The following SGIP1 variants were observed in gnomAD, a reference collection of about 807,000 sequenced individuals.
SGIP1 encodes the protein SH3GL interacting endocytic adaptor 1.
Under a neutral mutation model 107.5 loss-of-function variants are expected in SGIP1, and 38 were observed. The ratio of observed to expected loss-of-function variants is 0.35; its 90% CI spans 0.27 to 0.46. The LOEUF (loss-of-function observed/expected upper bound fraction) is 0.46. Ranked by LOEUF, SGIP1 falls within the 20% of genes least tolerant of loss-of-function variation. The pLI is 1.00. For missense variants in SGIP1, 929 were observed against 1,019.5 expected, an observed-to-expected ratio of 0.91 and a Z score of 1.21; for synonymous variants, 365 against 366.1, an observed-to-expected ratio of 1.00 and a Z score of 0.03.
At chr1:66,549,496 G>T (rs1278243759) in intron 1 of SGIP1, among the ~76,000 whole-genome samples, 2 of 152,182 alleles carry the variant, frequency 1.3e-5, no homozygotes, top group African/African-American at 4.8e-5. Context: ...AACCTGGTAA[G>T]GTGAGAGTAA....
intron 1 of SGIP1, among the ~76,000 whole-genome samples, chr1:66,549,613 AT>A (rs2057080536): frequency 6.6e-6 from 1 of 152,222 alleles, no homozygotes; most frequent in African/African-American, 2.4e-5. Context: ...TACCACTGCC[AT>A]TGGCATTGTT....
chr1:66,739,481 G>A lies in SGIP1; in HGVS notation c.2178G>A (p.Leu726=), dbSNP rs780363111. Residue 726 remains leucine (L), a synonymous_variant, in exon 22 of 25, where the codon CTG becomes CTA. Coordinates refer to ENST00000371037, the MANE Select transcript of SGIP1 (RefSeq NM_032291.4). The stretch of plus-strand genomic sequence containing the variant: ...TGGCCCTCAACAATGTGCAGTTCCT[G>A]GTCCCCATCGACGGAGGAGTCACCA... ...TAVALNNVQF[L]VPIDGGVTKL... is the part of the protein sequence containing the mutation. The A allele has an allele frequency of 1.2e-6, 2 of 1,614,142 alleles. No homozygotes were observed. Among genetic ancestry groups the A allele is most frequent in the African/African-American group, 1.3e-5 (1 of 75,024 alleles).
At chr1:66,581,068 G>A (rs576231448) in intron 1 of SGIP1, among the ~76,000 whole-genome samples, 21 of 152,094 alleles carry the variant, frequency 1.4e-4, no homozygotes, top group African/African-American at 3.1e-4. Flanking sequence ...ACATTTTCTC[G>A]TCACAATTAC....
At chr1:66,561,799 T>A (rs2058988435) in intron 1 of SGIP1, among the ~76,000 whole-genome samples, 1 of 152,032 alleles carries the variant, frequency 6.6e-6, no homozygotes, top group Non-Finnish European at 1.5e-5. Flanking sequence ...AGGCCTTTTA[T>A]TCAAATGGAA....
intron 1 of SGIP1, among the ~76,000 whole-genome samples, chr1:66,604,638 T>C (rs1402026700): frequency 2.0e-5 from 3 of 152,198 alleles, no homozygotes; most frequent in Non-Finnish European, 4.4e-5. Context: ...TCTCATAGGA[T>C]GGTTGGGATG....
chr1:66,549,536 T>C (rs1311013616), intron 1 of SGIP1, among the ~76,000 whole-genome samples: 1 of 152,180 alleles, frequency 6.6e-6, no homozygotes, highest in Non-Finnish European at 1.5e-5. Flanking sequence ...AATGACACTA[T>C]GTGTGTGTAG....
At chr1:66,738,281 C>T (rs938101296) in intron 21 of SGIP1, among the ~76,000 whole-genome samples, 4 of 152,180 alleles carry the variant, frequency 2.6e-5, no homozygotes, top group African/African-American at 9.7e-5. Context: ...CTTCAGGACC[C>T]TTCTCCATGG....
intron 14 of SGIP1, among the ~76,000 whole-genome samples, chr1:66,681,543 C>A (rs79909281): frequency 0.013 from 2,041 of 152,286 alleles, 35 homozygotes; most frequent in African/African-American, 0.046. Context: ...ACTGCCTTCT[C>A]AAAATGATCA....
chr1:66,720,470 G>C (rs1485908490), intron 19 of SGIP1, among the ~76,000 whole-genome samples: 1 of 152,180 alleles, frequency 6.6e-6, no homozygotes, highest in African/African-American at 2.4e-5. Flanking sequence ...GCTCACACCT[G>C]TAATTCCAGC....
At chr1:66,722,078 G>A (rs572291110) in intron 19 of SGIP1, among the ~76,000 whole-genome samples, 88 of 151,936 alleles carry the variant, frequency 5.8e-4, no homozygotes, top group African/African-American at 2.0e-3. Context: ...ATCCCTGACC[G>A]TGCCTCCAAC....
chr1:66,667,704 G>A (rs1054919478), intron 9 of SGIP1, among the ~76,000 whole-genome samples, 163 bp downstream of exon 9: 5 of 152,158 alleles, frequency 3.3e-5, no homozygotes, highest in African/African-American at 1.2e-4. Flanking sequence ...TAAGTATCAA[G>A]GGCATATTTT....
At chr1:66,538,269 A>G (rs2054098329) in intron 1 of SGIP1, among the ~76,000 whole-genome samples, 1 of 152,156 alleles carries the variant, frequency 6.6e-6, no homozygotes, top group South Asian at 2.1e-4. Context: ...TTAGTTAAGA[A>G]GTTTTAAAGG....
chr1:66,741,557 T>C, intron 24 of SGIP1, 121 bp downstream of exon 24: 1 of 1,054,676 alleles, frequency 9.5e-7, no homozygotes, highest in Non-Finnish European at 1.3e-6. Flanking sequence ...CCAACCCCCA[T>C]CCCAATTAGA....
intron 1 of SGIP1, among the ~76,000 whole-genome samples, chr1:66,559,661 G>A (rs2058659229): frequency 6.6e-6 from 1 of 151,948 alleles, no homozygotes; most frequent in South Asian, 2.1e-4. Flanking sequence ...TGACTGTGAT[G>A]GACATCACTT....
chr1:66,548,270 CTG>C (rs999305518), intron 1 of SGIP1, among the ~76,000 whole-genome samples: 1 of 151,834 alleles, frequency 6.6e-6, no homozygotes, highest in East Asian at 1.9e-4. Flanking sequence ...TGTCTTGAAT[CTG>C]TGTTTGAGTA....
intron 17 of SGIP1, among the ~76,000 whole-genome samples, chr1:66,693,558 T>C (rs76666857): frequency 0.059 from 9,044 of 152,318 alleles, 343 homozygotes; most frequent in Non-Finnish European, 0.086. Flanking sequence ...TTTCCTTCTC[T>C]GCATTTTTCT....
In SGIP1 at chr1:66,688,905, C is replaced by A. The variant is rs138128679; in HGVS notation, c.1316-243C>A. Among the ~76,000 whole-genome samples, 1,092 of 152,150 alleles carry A rather than the reference C, an allele frequency of 7.2e-3. 15 individuals are homozygous for A. The highest frequency in any genetic ancestry group is 0.025 in the African/African-American group (1,034 of 41,496). On this transcript the variant is annotated intron_variant, in intron 15 of 24. Transcript: ENST00000371037. ...GTCATAGAGCAATAAAAGGATTTAC[C>A]TTTCACTGGGTGTCACATGACAACA...
intron 1 of SGIP1, among the ~76,000 whole-genome samples, chr1:66,607,884 C>A (rs2067162067): frequency 6.6e-6 from 1 of 152,098 alleles, no homozygotes; most frequent in African/African-American, 2.4e-5. Flanking sequence ...CTGAGTAGAT[C>A]AGACAGAACA....
chr1:66,680,555 G>A lies in SGIP1; in HGVS notation c.814+803G>A, dbSNP rs952656101. Among the ~76,000 whole-genome samples the A allele has an allele frequency of 5.3e-5, 8 of 152,270 alleles. No individual in the cohort carries two copies. The South Asian group carries it at 6.2e-4, about 12-fold the overall frequency. On this transcript the variant is annotated intron_variant, in intron 14 of 24. Transcript: ENST00000371037. Reference sequence around the variant, plus strand: ...CATTCATCAACAAAAGCAAAAGCACGATGTAGTTATTTATGAAATTTATAT... The same window carrying A: ...CATTCATCAACAAAAGCAAAAGCACAATGTAGTTATTTATGAAATTTATAT...
Sources: allele counts gnomAD v4.1 joint callset (sites outside exome capture counted in the v4.1 genomes callset), GRCh38; gene constraint gnomAD v4.1.1; transcripts MANE v1.5; gene names NCBI Gene and HGNC (gene_info 2026-07-23, HGNC 2026-07-21).